Variants in BBX observed in about 807,000 individuals in gnomAD.
BBX encodes HMG box transcription factor BBX.
BBX carries 30 observed loss-of-function variants against 100.2 expected under a neutral mutation model. That is an observed-to-expected ratio of 0.30 (90% confidence interval 0.22 to 0.41). BBX has a LOEUF of 0.41. Among genes scored for constraint, BBX ranks in the 10% least tolerant of loss-of-function variants. The pLI, the probability that BBX is intolerant of heterozygous loss-of-function variation, is 1.00. For synonymous variants in BBX, 376 were observed against 388.1 expected, an observed-to-expected ratio of 0.97 and a Z score of 0.37; for missense variants, 1,023 against 1,129.8, an observed-to-expected ratio of 0.91 and a Z score of 1.35.
chr3:107,688,919 C>T (rs2108054021), intron 3 of BBX, among the ~76,000 whole-genome samples: 1 of 152,248 alleles, frequency 6.6e-6, no homozygotes, highest in East Asian at 1.9e-4. Flanking sequence ...CAGAATTCTC[C>T]TTTGACTCCT....
chr3:107,714,459 T>A (rs1243874478), intron 4 of BBX, among the ~76,000 whole-genome samples: 1 of 152,194 alleles, frequency 6.6e-6, no homozygotes, highest in African/African-American at 2.4e-5. Flanking sequence ...CTGTTACACG[T>A]TGAATTTTAT....
intron 7 of BBX, among the ~76,000 whole-genome samples, chr3:107,736,122 C>T (rs1397455937): frequency 1.3e-5 from 2 of 151,790 alleles, no homozygotes; most frequent in African/African-American, 2.4e-5. Flanking sequence ...ACATTGAGCA[C>T]GAAAGACATA....
chr3:107,702,556 A>G (rs981443430), intron 3 of BBX, among the ~76,000 whole-genome samples: 16 of 152,332 alleles, frequency 1.1e-4, no homozygotes, highest in Admixed American at 7.8e-4. Context: ...CTGAACATCT[A>G]TTCCCTGTCT....
chr3:107,797,198 T>C (rs1035274443), intron 15 of BBX, among the ~76,000 whole-genome samples: 3 of 151,608 alleles, frequency 2.0e-5, no homozygotes, highest in South Asian at 2.1e-4. Flanking sequence ...CTTGAGGATG[T>C]ACCTAAATCC....
intron 3 of BBX, among the ~76,000 whole-genome samples, chr3:107,674,323 G>C (rs2059175579): frequency 6.6e-6 from 1 of 151,992 alleles, no homozygotes; most frequent in Admixed American, 6.6e-5. Context: ...ACACATTGTA[G>C]GATTCCTAAG....
chr3:107,681,385 T>G (rs893384642), intron 3 of BBX, among the ~76,000 whole-genome samples: 3 of 152,130 alleles, frequency 2.0e-5, no homozygotes, highest in Non-Finnish European at 4.4e-5. Context: ...GCAGTGATTT[T>G]CAACTAGGGA....
chr3:107,763,648 C>T (rs76658930), intron 10 of BBX, among the ~76,000 whole-genome samples: 23,205 of 152,030 alleles, frequency 0.15, 2,314 homozygotes, highest in South Asian at 0.35. Context: ...TTTATCTCAC[C>T]CCTTCAGTAT....
intron 2 of BBX, among the ~76,000 whole-genome samples, chr3:107,538,856 C>T (rs1335972862): frequency 2.0e-5 from 3 of 151,994 alleles, no homozygotes; most frequent in East Asian, 3.9e-4. Flanking sequence ...GTAATCATAG[C>T]CCAGTGTAGC....
At chr3:107,716,485 T>C (rs2062116561) in intron 4 of BBX, 122 bp from the exon 5 acceptor site, 5 of 1,195,476 alleles carry the variant, frequency 4.2e-6, no homozygotes, top group South Asian at 1.6e-5. Context: ...TATATTTTTT[T>C]CAATGTGTAA....
At chr3:107,733,219 G>C (rs2063423688) in intron 7 of BBX, among the ~76,000 whole-genome samples, 196 bp downstream of exon 7, 1 of 152,132 alleles carries the variant, frequency 6.6e-6, no homozygotes, top group African/African-American at 2.4e-5. Context: ...AAGGCCATGA[G>C]GATGTAAACA....
intron 3 of BBX, among the ~76,000 whole-genome samples, chr3:107,701,118 T>A (rs1034909034): frequency 6.6e-6 from 1 of 152,128 alleles, no homozygotes; most frequent in Non-Finnish European, 1.5e-5. Context: ...TCCTGACTTT[T>A]TAATGATCAC....
chr3:107,640,708 G>A (rs1309882798), intron 2 of BBX, among the ~76,000 whole-genome samples: 1 of 152,108 alleles, frequency 6.6e-6, no homozygotes, highest in East Asian at 1.9e-4. Context: ...TGTTGCCCAG[G>A]CTGGTGTGCA....
intron 2 of BBX, among the ~76,000 whole-genome samples, chr3:107,555,070 A>AAACAAC (rs77709627): frequency 1.3e-3 from 193 of 151,070 alleles, no homozygotes; most frequent in Middle Eastern, 3.4e-3. Flanking sequence ...CTCCGTCTCA[A>AAACAAC]AACAACAACA....
chr3:107,785,645 T>A (rs1421651595), intron 13 of BBX, among the ~76,000 whole-genome samples: 1 of 151,806 alleles, frequency 6.6e-6, no homozygotes, highest in Non-Finnish European at 1.5e-5. Flanking sequence ...AAAAAAAAAA[T>A]TACTCAACAA....
intron 15 of BBX, among the ~76,000 whole-genome samples, chr3:107,794,963 G>C (rs537336023): frequency 2.2e-4 from 33 of 152,330 alleles, no homozygotes; most frequent in Non-Finnish European, 3.7e-4. Context: ...ACTCTCAGAT[G>C]ATACGCACCA....
intron 10 of BBX, among the ~76,000 whole-genome samples, chr3:107,764,980 C>T (rs2066261410): frequency 6.6e-6 from 1 of 152,114 alleles, no homozygotes; most frequent in Non-Finnish European, 1.5e-5. Flanking sequence ...CTGAGCTTTC[C>T]TACATGTTTC....
At chr3:107,606,504 A>G (rs763014006) in intron 2 of BBX, among the ~76,000 whole-genome samples, 1 of 152,174 alleles carries the variant, frequency 6.6e-6, no homozygotes, top group Non-Finnish European at 1.5e-5. Context: ...TAATAATACC[A>G]TGTGATGCGA....
chr3:107,709,255 AT>A (rs1358817356), intron 3 of BBX, among the ~76,000 whole-genome samples: 1 of 152,196 alleles, frequency 6.6e-6, no homozygotes, highest in Non-Finnish European at 1.5e-5. Flanking sequence ...TTGGTGAATA[AT>A]TTTTTGAAGT....
chr3:107,691,997 T>C (rs1387451964), intron 3 of BBX, among the ~76,000 whole-genome samples: 1 of 152,128 alleles, frequency 6.6e-6, no homozygotes, highest in Non-Finnish European at 1.5e-5. Flanking sequence ...TCGATTTGAC[T>C]GTTACTTAAG....
Sources: allele counts gnomAD v4.1 joint callset (sites outside exome capture counted in the v4.1 genomes callset), GRCh38; gene constraint gnomAD v4.1.1; transcripts MANE v1.5; gene names NCBI Gene and HGNC (gene_info 2026-07-23, HGNC 2026-07-21).